Variants in DNAH17 observed in about 807,000 individuals in gnomAD.
DNAH17 encodes the protein axonemal beta dynein heavy chain 17.
A neutral mutation model predicts 485.6 loss-of-function variants in DNAH17; 376 were observed. The ratio of observed to expected loss-of-function variants is 0.77; its 90% CI spans 0.71 to 0.84. The LOEUF (loss-of-function observed/expected upper bound fraction) is 0.84. DNAH17 is among the 40% of genes least tolerant of loss of function. The pLI, the probability that DNAH17 is intolerant of heterozygous loss-of-function variation, is 0.00. For synonymous variants in DNAH17, 3,031 were observed against 2,405.9 expected (o/e 1.26, Z -7.60); for missense variants, 6,370 against 5,839.3 (o/e 1.09, Z -2.96).
At position 78,483,264 on chromosome 17, in the gene DNAH17, A is replaced by C. The variant is rs183455382; in HGVS notation, c.7649+1604T>G. ...GCCTGCAGCCCAGAGTAGGCTTCCTATAGTCGTGAGCTCTGGGAGTGTCGT... is the reference window on the plus strand; with the variant it reads ...GCCTGCAGCCCAGAGTAGGCTTCCTCTAGTCGTGAGCTCTGGGAGTGTCGT... On this transcript the variant is annotated intron_variant, in intron 48 of 80. Coordinates refer to ENST00000389840, the MANE Select transcript of DNAH17 (RefSeq NM_173628.4). Among the ~76,000 whole-genome samples, 51 of 152,292 alleles carry C rather than the reference A, an allele frequency of 3.3e-4. 1 individual carries two copies. In the South Asian group the frequency reaches 0.01, roughly 31 times the overall value.
chr17:78,510,753 C>CCCCA lies in DNAH17; in HGVS notation c.4114-248_4114-247insTGGG, dbSNP rs1555679581. On this transcript the variant is annotated intron_variant, in intron 26 of 80. Coordinates refer to ENST00000389840, the MANE Select transcript of DNAH17 (RefSeq NM_173628.4). ...CACCTGCACTGGGCGGAATTGCGGC[C>CCCCA]CCCCCGCAAAATTCACATCCGCCCA... 1.5e-3 allele frequency: 642 copies of CCCCA among 422,136 alleles called. 19 individuals are homozygous for CCCCA. In the South Asian group the frequency reaches 0.02, roughly 13 times the overall value. 26.1% of individuals were successfully genotyped at this position (422,136 alleles called of 1,614,324 possible). A position where few individuals can be genotyped will look rare whatever the true frequency, so the allele number is the denominator to read the frequency against.
At position 78,505,516 on chromosome 17, in the gene DNAH17, C is replaced by G. The variant is rs187671298; in HGVS notation, c.4804-71G>C. 4.4e-6 allele frequency: 7 copies of G among 1,600,028 alleles called. No homozygotes were observed. The East Asian group carries it at 1.6e-4, about 36-fold the overall frequency. On this transcript the variant is annotated intron_variant, in intron 30 of 80. Transcript: ENST00000389840. ...AGGCATGTGCGTGGCTTGGGCTTTC[C>G]GTGGGTGGTTTTAGGCATCGTTCTT...
intron 17 of DNAH17, among the ~76,000 whole-genome samples, chr17:78,542,007 AG>A (rs1268293438): frequency 6.6e-6 from 1 of 152,066 alleles, no homozygotes; most frequent in Non-Finnish European, 1.5e-5. Context: ...ATGTGACAAT[AG>A]GAACAGCCAA....
intron 66 of DNAH17, among the ~76,000 whole-genome samples, chr17:78,451,068 G>A (rs1459079326): frequency 6.6e-6 from 1 of 152,222 alleles, no homozygotes; most frequent in Non-Finnish European, 1.5e-5. Context: ...ACTGTAGGGG[G>A]CAGAACGGGG....
intron 79 of DNAH17, among the ~76,000 whole-genome samples, chr17:78,425,792 G>C (rs920013430): frequency 2.0e-4 from 25 of 123,926 alleles, no homozygotes; most frequent in Admixed American, 1.1e-3. Flanking sequence ...TTGAGATGAA[G>C]TATCGCTCTG....
At chr17:78,521,354 C>CA (rs2090928797) in intron 25 of DNAH17, among the ~76,000 whole-genome samples, 1 of 152,006 alleles carries the variant, frequency 6.6e-6, no homozygotes, top group Admixed American at 6.6e-5. Context: ...TGCAGTGAGC[C>CA]AAGATCGCAC....
rs539491513 is a variant in DNAH17 at position 78,447,413 on chromosome 17, T to C, written c.11212-1733A>G. ...CTCTGGACCTCCTGTGGGCAGGGTC[T>C]GGGTCATTTTGAAGTGGTGTATTGG... On this transcript the variant is annotated intron_variant, in intron 69 of 80. Coordinates refer to ENST00000389840, the MANE Select transcript of DNAH17 (RefSeq NM_173628.4). 3.3e-5 allele frequency among the ~76,000 whole-genome samples: 5 copies of C among 152,312 alleles called. No individual in the cohort carries two copies. In the South Asian group the frequency reaches 1.0e-3, roughly 32 times the overall value.
Position 78,433,959 on chromosome 17 carries a change from G to A in DNAH17, c.12225+70C>T, listed in dbSNP as rs551389860. The A allele has an allele frequency of 1.1e-4, 133 of 1,220,050 alleles. 1 individual carries two copies. The African/African-American group carries it at 2.4e-3, about 22-fold the overall frequency. 75.6% of individuals were successfully genotyped at this position (1,220,050 alleles called of 1,614,324 possible). On this transcript the variant is annotated intron_variant, in intron 75 of 80. Transcript: ENST00000389840. ...AGGGAAGGAGGGAGGGAAGGAGGGA[G>A]GGAAGGAGGGAGGGAAGGAGGGAAA...
chr17:78,479,052 G>A lies in DNAH17; in HGVS notation c.7965C>T (p.Asn2655=). The change falls in exon 51 of 81, where the codon AAC becomes AAT. Residue 2655 remains asparagine, a synonymous_variant. Coordinates refer to ENST00000389840, the MANE Select transcript of DNAH17 (RefSeq NM_173628.4). Reference sequence around the variant, plus strand: ...GGAAAATATTGGAGAGGTCCCTGAGGTTGAAGACATAATGAAACTTAATGG... The same window carrying A: ...GGAAAATATTGGAGAGGTCCCTGAGATTGAAGACATAATGAAACTTAATGG... ...PTAIKFHYVF[N]LRDLSNIFQG... The A allele has an allele frequency of 4.3e-6, 7 of 1,614,014 alleles. No individual in the cohort carries two copies. Among genetic ancestry groups the A allele is most frequent in the African/African-American group, 1.3e-5 (1 of 75,048 alleles).
intron 13 of DNAH17, among the ~76,000 whole-genome samples, chr17:78,559,022 C>G (rs2092093617): frequency 6.6e-6 from 1 of 152,174 alleles, no homozygotes; most frequent in Non-Finnish European, 1.5e-5. Context: ...TTGATAATCT[C>G]AAGATGTCCA....
intron 57 of DNAH17, among the ~76,000 whole-genome samples, chr17:78,462,472 G>T (rs1465079981): frequency 6.6e-6 from 1 of 152,274 alleles, no homozygotes; most frequent in South Asian, 2.1e-4. Context: ...GTGGAGGAAA[G>T]GATCCAGGGA....
chr17:78,571,469 A>T (rs2092356646), intron 4 of DNAH17, 91 bp from the exon 5 acceptor site: 2 of 1,484,516 alleles, frequency 1.3e-6, no homozygotes, highest in Non-Finnish European at 1.9e-6. Flanking sequence ...GAGCTGCAGA[A>T]TTTACGCAGG....
chr17:78,450,663 T>C lies in DNAH17; in HGVS notation c.10899+19A>G, dbSNP rs780151462. ...CCCAAGCCCTGGCTGCCAGGGCACGTCACCGAGGCAGCTCTGACCTTCTCC... is the reference window on the plus strand; with the variant it reads ...CCCAAGCCCTGGCTGCCAGGGCACGCCACCGAGGCAGCTCTGACCTTCTCC... On this transcript the variant is annotated intron_variant, in intron 67 of 80. Transcript: ENST00000389840. The C allele has an allele frequency of 6.2e-7, 1 of 1,604,140 alleles. No homozygotes were observed. Among genetic ancestry groups the C allele is most frequent in the Non-Finnish European group, 8.5e-7 (1 of 1,174,706 alleles).
chr17:78,495,101 G>C lies in DNAH17; in HGVS notation c.5904-4C>G, dbSNP rs781716443. ...GGGGACGACCATGGCACAGGGCCTG[G>C]GGAGGTCAGCGGTGCCTGTGGGCTT... On this transcript the variant is annotated splice_region_variant and splice_polypyrimidine_tract_variant and intron_variant, in intron 38 of 80. Transcript: ENST00000389840. 3.7e-6 allele frequency: 6 copies of C among 1,601,756 alleles called. No individual in the cohort carries two copies. The highest frequency in any genetic ancestry group is 3.4e-5 in the Admixed American group (2 of 58,926).
Position 78,485,539 on chromosome 17 carries a change from A to G in DNAH17, c.7483+11T>C, listed in dbSNP as rs1323570526. On this transcript the variant is annotated intron_variant, in intron 47 of 80. Transcript: ENST00000389840. ...AGCCGGGTAGGCAGGGCGTGGCCGGACCAGCCTCACCCTGCAGCATGGCTG... is the reference window on the plus strand; with the variant it reads ...AGCCGGGTAGGCAGGGCGTGGCCGGGCCAGCCTCACCCTGCAGCATGGCTG... 7 of 1,588,326 alleles carry G rather than the reference A, an allele frequency of 4.4e-6. No homozygotes were observed. The highest frequency in any genetic ancestry group is 6.0e-6 in the Non-Finnish European group (7 of 1,168,638).
intron 37 of DNAH17, 23 bp from the exon 38 acceptor site, chr17:78,496,055 A>C: frequency 6.2e-7 from 1 of 1,602,760 alleles, no homozygotes; most frequent in Non-Finnish European, 8.5e-7. Flanking sequence ...TGACACAGAC[A>C]TGTTAGCATG....
intron 16 of DNAH17, among the ~76,000 whole-genome samples, chr17:78,549,054 A>T (rs1296210337): frequency 6.6e-6 from 1 of 152,232 alleles, no homozygotes; most frequent in Non-Finnish European, 1.5e-5. Context: ...TATTCTCCTT[A>T]TAATGGGGGT....
rs1223886918 is a variant in DNAH17 at position 78,475,192 on chromosome 17, G to A, written c.8511+86C>T. The A allele has an allele frequency of 3.5e-6, 5 of 1,443,638 alleles. No homozygotes were observed. The Admixed American group carries it at 7.8e-5, about 23-fold the overall frequency. The allele number at this position is 1,443,638 out of a possible 1,614,324, so 89.4% of individuals were successfully genotyped here. Reference sequence around the variant, plus strand: ...GATGCTCGGATTCCCTGTACTCGCTGGCTTCATTTTGGAAAAGGGAGTGAA... The same window carrying A: ...GATGCTCGGATTCCCTGTACTCGCTAGCTTCATTTTGGAAAAGGGAGTGAA... On this transcript the variant is annotated intron_variant, in intron 54 of 80. Transcript: ENST00000389840.
At chr17:78,563,516 G>T (rs77467373) in intron 11 of DNAH17, among the ~76,000 whole-genome samples, 1 of 152,016 alleles carries the variant, frequency 6.6e-6, no homozygotes, top group Non-Finnish European at 1.5e-5. Flanking sequence ...CCATCATCCA[G>T]ACAACCGACA....
Sources: allele counts gnomAD v4.1 joint callset (sites outside exome capture counted in the v4.1 genomes callset), GRCh38; gene constraint gnomAD v4.1.1; transcripts MANE v1.5; gene names NCBI Gene and HGNC (gene_info 2026-07-23, HGNC 2026-07-21).